The following TRPM1 variants were observed in gnomAD, a reference collection of about 807,000 sequenced individuals.
TRPM1 encodes the protein transient receptor potential cation channel subfamily M member 1.
In TRPM1, 113 loss-of-function variants were observed where a neutral mutation model predicts 149.4. The observed-to-expected ratio is 0.76, with a 90% CI of 0.65 to 0.88. The LOEUF is 0.88. Among genes scored for constraint, TRPM1 ranks in the 40% least tolerant of loss-of-function variants. TRPM1 has a pLI of 0.00. For missense variants in TRPM1, 1,976 were observed against 2,038.7 expected (o/e 0.97, Z 0.59); for synonymous variants, 741 against 759.5 (o/e 0.98, Z 0.40).
At chr15:31,084,002 T>TC (rs1478671165) in intron 1 of TRPM1, among the ~76,000 whole-genome samples, 2 of 152,140 alleles carry the variant, frequency 1.3e-5, no homozygotes, top group Non-Finnish European at 2.9e-5. Flanking sequence ...CAGGGCTGGC[T>TC]TGCAGGAAAT....
chr15:31,070,798 G>C (rs183920428), intron 3 of TRPM1, among the ~76,000 whole-genome samples: 1 of 152,108 alleles, frequency 6.6e-6, no homozygotes, highest in East Asian at 1.9e-4. Flanking sequence ...CAAGCAATCC[G>C]CCTGCCTTGG....
chr15:31,032,643 C>T (rs748636165), intron 22 of TRPM1, 46 bp downstream of exon 22: 1 of 1,613,588 alleles, frequency 6.2e-7, no homozygotes, highest in South Asian at 1.1e-5. Context: ...TATGTCCTAA[C>T]TACAGCCAAA....
At chr15:31,151,885 T>C (rs572017774) in intron 1 of TRPM1, among the ~76,000 whole-genome samples, 2 of 152,324 alleles carry the variant, frequency 1.3e-5, no homozygotes, top group South Asian at 4.1e-4. Flanking sequence ...CCCCTCAGTG[T>C]GCAGGAACCA....
intron 1 of TRPM1, among the ~76,000 whole-genome samples, chr15:31,090,439 C>T (rs148672321): frequency 6.6e-6 from 1 of 152,234 alleles, no homozygotes; most frequent in Non-Finnish European, 1.5e-5. Flanking sequence ...GGATTCAAGA[C>T]CAGCCTGGCC....
chr15:31,109,333 CAAAAAAAAAAAA>C (rs36072024), intron 1 of TRPM1, among the ~76,000 whole-genome samples: 2 of 32,300 alleles, frequency 6.2e-5, no homozygotes, highest in South Asian at 4.7e-3. Context: ...GACTCTGCCT[CAAAAAAAAAAAA>C]AAAAAAAAAA....
At chr15:31,028,204 G>A in intron 25 of TRPM1, 128 bp downstream of exon 25, 1 of 1,162,454 alleles carries the variant, frequency 8.6e-7, no homozygotes, top group East Asian at 2.4e-5. Context: ...TGCAAAAATT[G>A]GATCTACTTA....
chr15:31,123,976 A>G (rs1281316409), intron 1 of TRPM1, among the ~76,000 whole-genome samples: 1 of 152,240 alleles, frequency 6.6e-6, no homozygotes, highest in Non-Finnish European at 1.5e-5. Flanking sequence ...ACCTCCAGAC[A>G]ATGGAGCATT....
intron 1 of TRPM1, among the ~76,000 whole-genome samples, chr15:31,145,139 C>T (rs1326873297): frequency 6.6e-6 from 1 of 152,146 alleles, no homozygotes; most frequent in African/African-American, 2.4e-5. Context: ...TTTCTGAAGT[C>T]CTATAAGGTG....
At chr15:31,159,393 T>C (rs2036417256) in intron 1 of TRPM1, among the ~76,000 whole-genome samples, 1 of 152,146 alleles carries the variant, frequency 6.6e-6, no homozygotes, top group Non-Finnish European at 1.5e-5. Context: ...GGGCCAGCTT[T>C]GTGCTGGGGA....
chr15:31,089,288 C>T lies in TRPM1; in HGVS notation c.-83-7850G>A, dbSNP rs1406029724. Among the ~76,000 whole-genome samples the T allele has an allele frequency of 5.5e-5, 8 of 145,374 alleles. No individual in the cohort carries two copies. The South Asian group carries it at 1.5e-3, about 27-fold the overall frequency. On this transcript the variant is annotated intron_variant, in intron 1 of 27. Coordinates refer to ENST00000256552, the MANE Select transcript of TRPM1 (RefSeq NM_001252024.2). ...GTTGGCAATGGTGGGCCAACATTGC[C>T]CGGGAGGGTTTATATATAGTTATGT...
At chr15:31,151,542 T>G (rs2036304376) in intron 1 of TRPM1, among the ~76,000 whole-genome samples, 1 of 152,230 alleles carries the variant, frequency 6.6e-6, no homozygotes, top group Admixed American at 6.5e-5. Context: ...ACAGAAGGTC[T>G]CCAGGCTGTG....
chr15:31,064,496 C>T (rs1438978873), intron 7 of TRPM1, among the ~76,000 whole-genome samples: 1 of 152,220 alleles, frequency 6.6e-6, no homozygotes, highest in East Asian at 1.9e-4. Context: ...GGAGTGGAGG[C>T]ACATTTGCCT....
At chr15:31,033,900 AG>A (rs2033218871) in intron 21 of TRPM1, among the ~76,000 whole-genome samples, 1 of 152,214 alleles carries the variant, frequency 6.6e-6, no homozygotes, top group Admixed American at 6.5e-5. Context: ...CAGTAGTAGA[AG>A]GTGGCAAGTA....
chr15:31,110,396 A>T (rs1367171753), intron 1 of TRPM1, among the ~76,000 whole-genome samples: 3 of 152,202 alleles, frequency 2.0e-5, no homozygotes, highest in African/African-American at 7.2e-5. Flanking sequence ...AATACTTTTG[A>T]TTACCGTAAA....
chr15:31,111,696 C>T (rs1211142323), intron 1 of TRPM1, among the ~76,000 whole-genome samples: 1 of 152,216 alleles, frequency 6.6e-6, no homozygotes, highest in Non-Finnish European at 1.5e-5. Context: ...CAACGCATGG[C>T]ACCCCTCTTC....
intron 27 of TRPM1, among the ~76,000 whole-genome samples, chr15:31,005,741 T>C (rs1291951184): frequency 6.6e-6 from 1 of 152,244 alleles, no homozygotes; most frequent in Non-Finnish European, 1.5e-5. Flanking sequence ...TTAAGTTCAC[T>C]TACATCTGAA....
At position 31,002,876 on chromosome 15, in the gene TRPM1, C is replaced by T; in HGVS notation, c.3824G>A (p.Cys1275Tyr). Reference protein sequence around the residue: ...IQARSRASSECEATYLLRQSS... With the variant: ...IQARSRASSEYEATYLLRQSS... ...TTGCCGGAGAAGATACGTTGCCTCACATTCAGAAGAAGCCCGGGACCGTGC... is the reference window on the plus strand; with the variant it reads ...TTGCCGGAGAAGATACGTTGCCTCATATTCAGAAGAAGCCCGGGACCGTGC... The change falls in exon 28 of 28, where the codon TGT (cysteine) becomes TAT (tyrosine). Residue 1275 changes from cysteine to tyrosine, a missense_variant. By Grantham distance (194) the Cys-to-Tyr change is radical. This residue lies in a region of TRPM1 where 572 missense variants were observed against 578.9 expected (regional missense o/e 0.99). Transcript: ENST00000256552. The T allele has an allele frequency of 1.9e-6, 3 of 1,614,150 alleles. No individual in the cohort carries two copies. The highest frequency in any genetic ancestry group is 1.7e-6 in the Non-Finnish European group (2 of 1,179,994).
At chr15:31,019,385 C>A (rs12442333) in intron 27 of TRPM1, among the ~76,000 whole-genome samples, 8,471 of 152,196 alleles carry the variant, frequency 0.056, 318 homozygotes, top group South Asian at 0.12. Flanking sequence ...CATAAAAGAA[C>A]AAGACTCACG....
At chr15:31,098,412 A>G (rs1248069339) in intron 1 of TRPM1, among the ~76,000 whole-genome samples, 3 of 152,338 alleles carry the variant, frequency 2.0e-5, no homozygotes, top group Non-Finnish European at 2.9e-5. Flanking sequence ...CCTGAGCAAC[A>G]GAGCAAGACT....
Sources: allele counts gnomAD v4.1 joint callset (sites outside exome capture counted in the v4.1 genomes callset), GRCh38; gene constraint gnomAD v4.1.1; regional missense constraint gnomAD v4.1.1; transcripts MANE v1.5; gene names NCBI Gene and HGNC (gene_info 2026-07-23, HGNC 2026-07-21).